The following TRAPPC6B variants were observed in gnomAD, a reference collection of about 807,000 sequenced individuals.
TRAPPC6B encodes the protein TRAPP complex subunit 6B.
TRAPPC6B carries 27 observed loss-of-function variants against 24.7 expected under a neutral mutation model. The ratio of observed to expected loss-of-function variants is 1.09; its 90% CI spans 0.81 to 1.51. The LOEUF is 1.51. Ranked by LOEUF, TRAPPC6B falls within the 40% of genes most tolerant of loss-of-function variation. The pLI, the probability that TRAPPC6B is intolerant of heterozygous loss-of-function variation, is 0.00. For synonymous variants in TRAPPC6B, 80 were observed against 66.6 expected, an observed-to-expected ratio of 1.20 and a Z score of -0.98; for missense variants, 212 against 190.8, an observed-to-expected ratio of 1.11 and a Z score of -0.66.
At chr14:39,163,373 GAAAA>G (rs796850720) in intron 1 of TRAPPC6B, among the ~76,000 whole-genome samples, 1 of 97,718 alleles carries the variant, frequency 1.0e-5, no homozygotes. Context: ...TTCATCACCA[GAAAA>G]AAAAAAAAAA....
intron 1 of TRAPPC6B, among the ~76,000 whole-genome samples, chr14:39,167,412 CA>C (rs1254020705): frequency 3.4e-5 from 5 of 148,082 alleles, no homozygotes; most frequent in South Asian, 2.1e-4. Context: ...ATAACAAAAA[CA>C]AAAAAAAAGA....
At position 39,150,315 on chromosome 14, in the gene TRAPPC6B, CTT is replaced by C. The variant is rs754431393; in HGVS notation, c.*33_*34del. ...ATACTTTTACATGAATAATTTATCT[CTT>C]TACACTGTTGAAGCCTTGCATTTCA... On this transcript the variant is annotated 3_prime_UTR_variant, in exon 6 of 6. Transcript: ENST00000330149. 1.3e-6 allele frequency: 2 copies of C among 1,555,298 alleles called. No homozygotes were observed. Among genetic ancestry groups the C allele is most frequent in the South Asian group, 1.2e-5 (1 of 83,932 alleles).
At chr14:39,153,400 A>T (rs2052937697) in intron 4 of TRAPPC6B, among the ~76,000 whole-genome samples, 1 of 151,754 alleles carries the variant, frequency 6.6e-6, no homozygotes, top group Non-Finnish European at 1.5e-5. Context: ...GGCCGAGGTG[A>T]GGTGATCACT....
chr14:39,148,633 A>T lies in TRAPPC6B; in HGVS notation c.*1717T>A, dbSNP rs1302097596. 1 of 398,332 alleles carries T rather than the reference A, an allele frequency of 2.5e-6. No homozygotes were observed. Among genetic ancestry groups the T allele is most frequent in the Non-Finnish European group, 4.4e-6 (1 of 225,978 alleles). 24.7% of individuals were successfully genotyped at this position (398,332 alleles called of 1,614,324 possible). On this transcript the variant is annotated 3_prime_UTR_variant, in exon 6 of 6. Transcript: ENST00000330149. Reference sequence around the variant, plus strand: ...TATTTTGATCTACTTCTGTGTCATTAGCTATTCCTGGGTCATTATGACTTT... The same window carrying T: ...TATTTTGATCTACTTCTGTGTCATTTGCTATTCCTGGGTCATTATGACTTT...
At chr14:39,152,125 T>C (rs893075149) in intron 4 of TRAPPC6B, among the ~76,000 whole-genome samples, 1 of 152,166 alleles carries the variant, frequency 6.6e-6, no homozygotes, top group Non-Finnish European at 1.5e-5. Context: ...TGATCAGAAT[T>C]AGTTCTGGAG....
At chr14:39,165,281 G>C (rs2053097042) in intron 1 of TRAPPC6B, among the ~76,000 whole-genome samples, 1 of 152,080 alleles carries the variant, frequency 6.6e-6, no homozygotes, top group Admixed American at 6.5e-5. Flanking sequence ...TCCTGACCTT[G>C]TGATCCGCCC....
chr14:39,169,289 C>T (rs1414981833), intron 1 of TRAPPC6B, among the ~76,000 whole-genome samples: 1 of 152,020 alleles, frequency 6.6e-6, no homozygotes, highest in East Asian at 1.9e-4. Context: ...ATTTATCTAG[C>T]AGTGTCAGCA....
At chr14:39,158,167 C>G in intron 3 of TRAPPC6B, 118 bp downstream of exon 3, 2 of 626,480 alleles carry the variant, frequency 3.2e-6, no homozygotes, top group Non-Finnish European at 5.4e-6. Context: ...TCATTAATAA[C>G]ATAAACATAT....
intron 1 of TRAPPC6B, among the ~76,000 whole-genome samples, chr14:39,165,551 G>A (rs555644194): frequency 3.9e-5 from 6 of 152,244 alleles, no homozygotes; most frequent in South Asian, 2.1e-4. Flanking sequence ...TCCCAGCACC[G>A]TAGGAGGCTG....
At chr14:39,151,597 TGC>T in intron 5 of TRAPPC6B, 147 bp downstream of exon 5, 1 of 547,898 alleles carries the variant, frequency 1.8e-6, no homozygotes, top group Admixed American at 3.8e-5. Flanking sequence ...GAATGTAGTA[TGC>T]TACATATTAC....
At position 39,161,052 on chromosome 14, in the gene TRAPPC6B, GAATT is replaced by G. The variant is rs1391751866; in HGVS notation, c.82-1506_82-1503del. Among the ~76,000 whole-genome samples the G allele has an allele frequency of 3.3e-5, 5 of 152,154 alleles. No individual in the cohort carries two copies. The South Asian group carries it at 1.0e-3, about 31-fold the overall frequency. ...CTCCCCACCATTTGCGAATGTAAAAGAATTAATTTTTGAATGTTGACACTACAAT... is the reference window on the plus strand; with the variant it reads ...CTCCCCACCATTTGCGAATGTAAAAGAATTTTTGAATGTTGACACTACAAT... On this transcript the variant is annotated intron_variant, in intron 1 of 5. Transcript: ENST00000330149.
chr14:39,167,298 G>T (rs1262725172), intron 1 of TRAPPC6B, among the ~76,000 whole-genome samples: 1 of 152,108 alleles, frequency 6.6e-6, no homozygotes, highest in Non-Finnish European at 1.5e-5. Context: ...GATTTGGAGG[G>T]TTAGAACACT....
At chr14:39,154,130 A>G (rs2052948370) in intron 4 of TRAPPC6B, 81 bp downstream of exon 4, 1 of 817,716 alleles carries the variant, frequency 1.2e-6, no homozygotes, top group Admixed American at 2.5e-5. Context: ...TTTTAATTCA[A>G]TAGTTTGTTA....
At chr14:39,151,699 G>C (rs371561094) in intron 5 of TRAPPC6B, 47 bp downstream of exon 5, 4 of 1,392,204 alleles carry the variant, frequency 2.9e-6, no homozygotes, top group African/African-American at 3.0e-5. Flanking sequence ...AAACAGACCT[G>C]AAAACAAATT....
chr14:39,169,896 AT>A, intron 1 of TRAPPC6B, 118 bp downstream of exon 1: 1 of 907,172 alleles, frequency 1.1e-6, no homozygotes, highest in Non-Finnish European at 1.8e-6. Flanking sequence ...GAGGTGGACC[AT>A]TTTGTGTACA....
intron 3 of TRAPPC6B, among the ~76,000 whole-genome samples, chr14:39,156,365 G>C (rs1292632342): frequency 1.3e-5 from 2 of 152,220 alleles, no homozygotes; most frequent in Non-Finnish European, 2.9e-5. Flanking sequence ...GAGAGTACCA[G>C]ATACATTTAA....
intron 1 of TRAPPC6B, among the ~76,000 whole-genome samples, chr14:39,165,040 TCACA>T (rs1435085191): frequency 1.3e-5 from 2 of 150,750 alleles, no homozygotes; most frequent in Non-Finnish European, 2.9e-5. Context: ...TCCCTAGACT[TCACA>T]TTCTTTTTTT....
At chr14:39,168,742 TCTAA>T (rs1238757479) in intron 1 of TRAPPC6B, among the ~76,000 whole-genome samples, 1 of 152,194 alleles carries the variant, frequency 6.6e-6, no homozygotes, top group African/African-American at 2.4e-5. Flanking sequence ...AATTCCACTT[TCTAA>T]CTTTCAAATC....
In TRAPPC6B at chr14:39,148,680, A is replaced by C. The variant is rs151192602; in HGVS notation, c.*1670T>G. 1.8e-4 allele frequency: 72 copies of C among 398,466 alleles called. No homozygotes were observed. The highest frequency in any genetic ancestry group is 1.3e-3 in the African/African-American group (61 of 48,714). 24.7% of individuals were successfully genotyped at this position (398,466 alleles called of 1,614,324 possible). ...CTTTTAATAAACTTTATACATGTATATTTGGTAGGAACTTTCCTAAATTTT... is the reference window on the plus strand; with the variant it reads ...CTTTTAATAAACTTTATACATGTATCTTTGGTAGGAACTTTCCTAAATTTT... On this transcript the variant is annotated 3_prime_UTR_variant, in exon 6 of 6. Coordinates refer to ENST00000330149, the MANE Select transcript of TRAPPC6B (RefSeq NM_001079537.2).
Sources: allele counts gnomAD v4.1 joint callset (sites outside exome capture counted in the v4.1 genomes callset), GRCh38; gene constraint gnomAD v4.1.1; transcripts MANE v1.5; gene names NCBI Gene and HGNC (gene_info 2026-07-23, HGNC 2026-07-21).